Variants in ZNF782 observed in about 807,000 individuals in gnomAD.
ZNF782 encodes the protein zinc finger protein 782.
Under a neutral mutation model 13.0 loss-of-function variants are expected in ZNF782, and 12 were observed. The ratio of observed to expected loss-of-function variants is 0.92; its 90% CI spans 0.59 to 1.50. The LOEUF (loss-of-function observed/expected upper bound fraction) is 1.50. Ranked by LOEUF, ZNF782 falls within the 40% of genes most tolerant of loss-of-function variation. ZNF782 has a pLI of 0.00. For missense variants in ZNF782, 770 were observed against 822.9 expected (o/e 0.94, Z 0.79); for synonymous variants, 284 against 283.0 (o/e 1.00, Z -0.04).
At chr9:96,872,383 T>C (rs920691348) in intron 1 of ZNF782, among the ~76,000 whole-genome samples, 1 of 151,932 alleles carries the variant, frequency 6.6e-6, no homozygotes, top group Non-Finnish European at 1.5e-5. Context: ...ATACAGAAAT[T>C]AGCTGGGTGT....
At chr9:96,877,630 G>A (rs1851910458), upstream of ZNF782, among the ~76,000 whole-genome samples, 1 of 152,258 alleles carries the variant, frequency 6.6e-6, no homozygotes, top group Non-Finnish European at 1.5e-5. Context: ...CCGTGGGCTG[G>A]GGTTCGGGCG....
rs34073647 is a variant in ZNF782 at position 96,819,394 on chromosome 9, G to C, written c.629C>G (p.Thr210Ser). Residue 210 changes from threonine (T) to serine (S), a missense_variant, in exon 6 of 6, where the codon ACT (threonine) becomes AGT (serine). Thr to Ser is a moderately conservative substitution (Grantham distance 58, BLOSUM62 1). Coordinates refer to ENST00000481138, the MANE Select transcript of ZNF782 (RefSeq NM_001001662.3). ...ATTATATTCAAAATCTTGCCCCAGAGTCTGAATTGTCTGATGTTGAATAAC... is the reference window on the plus strand; with the variant it reads ...ATTATATTCAAAATCTTGCCCCAGACTCTGAATTGTCTGATGTTGAATAAC... ...EEVIQHQTIQ[T>S]LGQDFEYNES... 5,525 of 1,606,046 alleles carry C rather than the reference G, an allele frequency of 3.4e-3. 148 individuals are homozygous for C. The African/African-American group carries it at 0.064, about 19-fold the overall frequency.
intron 1 of ZNF782, among the ~76,000 whole-genome samples, chr9:96,866,724 G>C (rs549422812): frequency 3.3e-5 from 5 of 152,226 alleles, no homozygotes; most frequent in Non-Finnish European, 7.3e-5. Context: ...CAGCTAGGAG[G>C]GGGGGTTATA....
At chr9:96,896,861 C>A in the ZNF782 span, among the ~76,000 whole-genome samples, 1 of 152,202 alleles carries the variant, frequency 6.6e-6, no homozygotes, top group Non-Finnish European at 1.5e-5. Context: ...CCTCTACAGG[C>A]AAATCAGTGT....
At chr9:96,888,106 C>T in the ZNF782 span, 2 of 149,316 alleles carry the variant, frequency 1.3e-5, no homozygotes, top group African/African-American at 2.5e-5. Flanking sequence ...CAACATGGCA[C>T]ATGTATATGT....
At chr9:96,932,115 C>G in the ZNF782 span, 67,425 of 1,486,044 alleles carry the variant, frequency 0.045, 517 homozygotes, top group East Asian at 0.39. Flanking sequence ...CCCGTTACCT[C>G]TGCCCAGGTG....
intron 4 of ZNF782, among the ~76,000 whole-genome samples, chr9:96,836,176 A>G (rs1407668044): frequency 1.3e-5 from 2 of 150,780 alleles, no homozygotes; most frequent in Non-Finnish European, 3.0e-5. Flanking sequence ...TTCAGACCTT[A>G]TGCCTATTCC....
the ZNF782 span, among the ~76,000 whole-genome samples, chr9:96,922,666 C>T: frequency 0.025 from 3,709 of 149,432 alleles, no homozygotes; most frequent in African/African-American, 0.086. Flanking sequence ...CCCAGCTACT[C>T]GGGAGGCTGA....
the ZNF782 span, among the ~76,000 whole-genome samples, chr9:96,915,251 T>G: frequency 6.6e-6 from 1 of 152,214 alleles, no homozygotes; most frequent in East Asian, 1.9e-4. Flanking sequence ...AACAATAAAT[T>G]GGGGTCCTGT....
intron 1 of ZNF782, among the ~76,000 whole-genome samples, chr9:96,867,514 A>C (rs1399891335): frequency 1.3e-5 from 2 of 152,258 alleles, no homozygotes; most frequent in African/African-American, 4.8e-5. Flanking sequence ...GCATGAAAAC[A>C]GACTAATACA....
chr9:96,845,424 A>G (rs1439699924), intron 3 of ZNF782, among the ~76,000 whole-genome samples: 1 of 152,098 alleles, frequency 6.6e-6, no homozygotes, highest in Non-Finnish European at 1.5e-5. Context: ...CACCACACCT[A>G]GTTTTTTGTA....
At chr9:96,933,798 C>T in the ZNF782 span, 1 of 152,882 alleles carries the variant, frequency 6.5e-6, no homozygotes, top group Non-Finnish European at 1.5e-5. Context: ...CACACACCCA[C>T]TCTTCTGCCG....
Position 96,845,016 on chromosome 9 carries a change from C to G in ZNF782, c.16G>C (p.Ala6Pro), listed in dbSNP as rs1278056175. The G allele has an allele frequency of 6.2e-7, 1 of 1,613,908 alleles. No homozygotes were observed. Among genetic ancestry groups the G allele is most frequent in the Admixed American group, 1.7e-5 (1 of 60,010 alleles). The change falls in exon 4 of 6, where the codon GCA (alanine) becomes CCA (proline). Residue 6 changes from alanine (A) to proline (P), a missense_variant and splice_region_variant. Transcript: ENST00000481138. Reference protein sequence around the residue: MNTFQASVSFQDVTVE... With the variant: MNTFQPSVSFQDVTVE... Reference sequence around the variant, plus strand: ...GTCACGTCCTGGAATGACACTGATGCCTGTAACAGCGCATTTCTAATTAAT... The same window carrying G: ...GTCACGTCCTGGAATGACACTGATGGCTGTAACAGCGCATTTCTAATTAAT...
intron 4 of ZNF782, among the ~76,000 whole-genome samples, chr9:96,839,005 C>T (rs1851100211): frequency 6.6e-6 from 1 of 152,090 alleles, no homozygotes; most frequent in Non-Finnish European, 1.5e-5. Flanking sequence ...TGAGCCACAG[C>T]GCCTGGCCTA....
chr9:96,821,085 T>C (rs1850402719), intron 5 of ZNF782, among the ~76,000 whole-genome samples: 1 of 152,252 alleles, frequency 6.6e-6, no homozygotes, highest in African/African-American at 2.4e-5. Context: ...CTGTGTATAT[T>C]TGACTGCTAT....
the ZNF782 span, among the ~76,000 whole-genome samples, chr9:96,924,914 C>T: frequency 3.9e-5 from 6 of 152,232 alleles, no homozygotes; most frequent in Admixed American, 3.9e-4. Context: ...AAGGACCGCT[C>T]CCGCCTTGAG....
the ZNF782 span, among the ~76,000 whole-genome samples, chr9:96,886,572 T>G: frequency 6.6e-6 from 1 of 152,206 alleles, no homozygotes; most frequent in South Asian, 2.1e-4. Context: ...GAGTTACATA[T>G]GTGTATTGTT....
chr9:96,846,395 G>A (rs1218356045), intron 3 of ZNF782, among the ~76,000 whole-genome samples: 2 of 151,914 alleles, frequency 1.3e-5, no homozygotes, highest in Non-Finnish European at 2.9e-5. Context: ...ATACAGAATG[G>A]CAAAACAGAT....
the ZNF782 span, among the ~76,000 whole-genome samples, chr9:96,886,307 T>G: frequency 6.6e-6 from 1 of 151,332 alleles, no homozygotes; most frequent in African/African-American, 2.4e-5. Context: ...AGTTGAAACT[T>G]AAGACAGGAA....
Sources: gnomAD v4.1 joint callset for allele counts (sites outside exome capture counted in the v4.1 genomes callset) on GRCh38, gnomAD v4.1.1 for gene constraint, MANE v1.5 for transcripts, NCBI Gene and HGNC (gene_info 2026-07-23, HGNC 2026-07-21) for gene names.